The following RAI1 variants were observed in gnomAD, a reference collection of about 807,000 sequenced individuals.
RAI1 encodes the protein retinoic acid-induced protein 1.
In RAI1, 9 loss-of-function variants were observed where a neutral mutation model predicts 123.8. The ratio of observed to expected loss-of-function variants is 0.07; its 90% CI spans 0.04 to 0.13. The LOEUF (loss-of-function observed/expected upper bound fraction) is 0.13, where lower values mean the gene tolerates loss of function less well. Among genes scored for constraint, RAI1 ranks in the 10% least tolerant of loss-of-function variants. The pLI, the probability that RAI1 is intolerant of heterozygous loss-of-function variation, is 1.00. For missense variants in RAI1, 2,256 were observed against 2,545.8 expected (o/e 0.89, Z 2.45); for synonymous variants, 1,231 against 1,127.3 (o/e 1.09, Z -1.84).
At chr17:17,753,271 C>T (rs537941939) in intron 2 of RAI1, among the ~76,000 whole-genome samples, 24 of 152,278 alleles carry the variant, frequency 1.6e-4, no homozygotes, top group African/African-American at 5.5e-4. Flanking sequence ...GGACCCCTGC[C>T]GACCAGACCT....
chr17:17,730,538 G>A (rs1916236484), intron 2 of RAI1, among the ~76,000 whole-genome samples: 1 of 152,262 alleles, frequency 6.6e-6, no homozygotes, highest in Non-Finnish European at 1.5e-5. Flanking sequence ...TTCCTGGTCT[G>A]TATATGTTGT....
chr17:17,780,394 C>T (rs2142997886), intron 2 of RAI1, among the ~76,000 whole-genome samples: 1 of 152,148 alleles, frequency 6.6e-6, no homozygotes, highest in East Asian at 1.9e-4. Context: ...CCAAGAAAAC[C>T]AGTTTTCTGA....
At chr17:17,746,706 G>A (rs2029939258) in intron 2 of RAI1, among the ~76,000 whole-genome samples, 1 of 149,150 alleles carries the variant, frequency 6.7e-6, no homozygotes, top group South Asian at 2.1e-4. Context: ...TGCTATCTCG[G>A]CTCACCACAA....
chr17:17,785,039 A>G (rs563443679), intron 2 of RAI1, among the ~76,000 whole-genome samples: 50 of 152,182 alleles, frequency 3.3e-4, no homozygotes, highest in African/African-American at 1.2e-3. Context: ...CTACATCTCA[A>G]CACCACCAGG....
intron 2 of RAI1, among the ~76,000 whole-genome samples, chr17:17,726,964 T>C (rs751671854): frequency 2.6e-5 from 4 of 152,240 alleles, no homozygotes; most frequent in Non-Finnish European, 5.9e-5. Flanking sequence ...TCTTCAGGCT[T>C]TTCCAATCAA....
At chr17:17,746,927 G>A (rs1444086961) in intron 2 of RAI1, among the ~76,000 whole-genome samples, 1 of 152,136 alleles carries the variant, frequency 6.6e-6, no homozygotes, top group African/African-American at 2.4e-5. Context: ...GAGCCACCAC[G>A]CCCAGCCCCA....
intron 1 of RAI1, among the ~76,000 whole-genome samples, chr17:17,716,535 C>A (rs112575873): frequency 2.6e-5 from 4 of 152,020 alleles, no homozygotes; most frequent in African/African-American, 9.7e-5. Flanking sequence ...GGGTTCTGTA[C>A]GTGTGTGTGT....
intron 1 of RAI1, among the ~76,000 whole-genome samples, chr17:17,717,601 C>T (rs1320059583): frequency 6.6e-6 from 1 of 152,106 alleles, no homozygotes; most frequent in Admixed American, 6.5e-5. Flanking sequence ...TGCTGTCATC[C>T]TCCCCACTCC....
At chr17:17,730,665 G>C (rs1461796758) in intron 2 of RAI1, among the ~76,000 whole-genome samples, 1 of 152,252 alleles carries the variant, frequency 6.6e-6, no homozygotes, top group Admixed American at 6.5e-5. Flanking sequence ...TACAAGTGGG[G>C]CAGGGACGGC....
intron 1 of RAI1, among the ~76,000 whole-genome samples, chr17:17,692,616 C>T (rs760041504): frequency 1.3e-5 from 2 of 152,176 alleles, no homozygotes; most frequent in Non-Finnish European, 2.9e-5. Context: ...CTCATCCATT[C>T]GGGAGCTAAT....
chr17:17,805,970 C>G (rs78615626), intron 4 of RAI1, among the ~76,000 whole-genome samples: 1 of 152,242 alleles, frequency 6.6e-6, no homozygotes, highest in African/African-American at 2.4e-5. Flanking sequence ...CACAGCATGG[C>G]GTGGACAGTC....
intron 2 of RAI1, among the ~76,000 whole-genome samples, chr17:17,787,021 A>G (rs1294778601): frequency 6.6e-6 from 1 of 152,254 alleles, no homozygotes; most frequent in Admixed American, 6.5e-5. Context: ...AGCCTAGGCA[A>G]CAGGAGGGAA....
At chr17:17,710,028 C>G (rs909687149) in intron 1 of RAI1, among the ~76,000 whole-genome samples, 1 of 152,168 alleles carries the variant, frequency 6.6e-6, no homozygotes, top group Non-Finnish European at 1.5e-5. Flanking sequence ...GACACCCACA[C>G]TCTTCTCACA....
chr17:17,791,613 G>A (rs2032015178), intron 2 of RAI1, among the ~76,000 whole-genome samples: 1 of 152,208 alleles, frequency 6.6e-6, no homozygotes, highest in African/African-American at 2.4e-5. Context: ...GGGCCACACA[G>A]GCCGAGCTGA....
At chr17:17,682,611 A>AG (rs1333453083) in intron 1 of RAI1, 1 of 151,642 alleles carries the variant, frequency 6.6e-6, no homozygotes, top group African/African-American at 2.4e-5. Flanking sequence ...GGCGGGGACA[A>AG]GGGGTGGCAG....
chr17:17,756,254 A>G (rs1164121469), intron 2 of RAI1, among the ~76,000 whole-genome samples: 1 of 151,596 alleles, frequency 6.6e-6, no homozygotes, highest in African/African-American at 2.4e-5. Flanking sequence ...CTGGAGTGCA[A>G]TGGTGTGATC....
intron 2 of RAI1, among the ~76,000 whole-genome samples, chr17:17,755,648 C>T (rs1280027770): frequency 6.6e-6 from 1 of 152,152 alleles, no homozygotes; most frequent in Non-Finnish European, 1.5e-5. Context: ...AGGGGTGCGT[C>T]CCCCCAGATC....
At chr17:17,720,843 C>G (rs1417702839) in intron 1 of RAI1, among the ~76,000 whole-genome samples, 1 of 152,190 alleles carries the variant, frequency 6.6e-6, no homozygotes, top group Non-Finnish European at 1.5e-5. Context: ...CCATCACCCT[C>G]TGGCAGATGT....
intron 2 of RAI1, among the ~76,000 whole-genome samples, chr17:17,788,767 C>T (rs2031916429): frequency 6.6e-6 from 1 of 152,190 alleles, no homozygotes; most frequent in African/African-American, 2.4e-5. Context: ...CTCCCTCTCT[C>T]CCTTTCTCTT....
Sources: allele counts gnomAD v4.1 joint callset (sites outside exome capture counted in the v4.1 genomes callset), GRCh38; gene constraint gnomAD v4.1.1; transcripts MANE v1.5; gene names NCBI Gene and HGNC (gene_info 2026-07-23, HGNC 2026-07-21).